ZP3: variants seen among roughly 807,000 people sequenced by gnomAD.
The protein encoded by ZP3 is zona pellucida sperm-binding protein 3.
Under a neutral mutation model 35.6 loss-of-function variants are expected in ZP3, and 21 were observed. That is an observed-to-expected ratio of 0.59 (90% CI 0.42 to 0.85). The LOEUF (loss-of-function observed/expected upper bound fraction) is 0.85. ZP3 is among the 40% of genes least tolerant of loss of function. ZP3 has a pLI of 0.00. For missense variants in ZP3, 437 were observed against 536.5 expected, an observed-to-expected ratio of 0.81 and a Z score of 1.83; for synonymous variants, 207 against 214.5, an observed-to-expected ratio of 0.96 and a Z score of 0.31.
chr7:76,413,339 C>T (rs995166335), intron 1 of ZP3, among the ~76,000 whole-genome samples: 1 of 151,352 alleles, frequency 6.6e-6, no homozygotes, highest in African/African-American at 2.4e-5. Flanking sequence ...ACTGCAGCCT[C>T]AACCTCTTGG....
At chr7:76,417,936 C>CT (rs199588361) in intron 1 of ZP3, among the ~76,000 whole-genome samples, 1,690 of 137,590 alleles carry the variant, frequency 0.012, 46 homozygotes, top group African/African-American at 0.046. Flanking sequence ...TTCTTTCTTT[C>CT]TTTCTTTTTT....
At chr7:76,431,700 C>T (rs920163568) in intron 2 of ZP3, among the ~76,000 whole-genome samples, 1 of 152,090 alleles carries the variant, frequency 6.6e-6, no homozygotes, top group Non-Finnish European at 1.5e-5. Context: ...GAGATGGAGA[C>T]CATCCTGGCT....
intron 1 of ZP3, among the ~76,000 whole-genome samples, chr7:76,398,537 T>G (rs1329719375): frequency 6.6e-6 from 1 of 151,544 alleles, no homozygotes; most frequent in Non-Finnish European, 1.5e-5. Flanking sequence ...GCTCCCAACC[T>G]CAAGTGATCC....
At chr7:76,439,210 C>T (rs1806120333) in intron 5 of ZP3, among the ~76,000 whole-genome samples, 1 of 149,042 alleles carries the variant, frequency 6.7e-6, no homozygotes, top group African/African-American at 2.4e-5. Context: ...TCTTTATGTG[C>T]CCAAGGACCT....
intron 5 of ZP3, among the ~76,000 whole-genome samples, chr7:76,438,312 C>A (rs1806086187): frequency 6.6e-6 from 1 of 152,086 alleles, no homozygotes; most frequent in South Asian, 2.1e-4. Context: ...AATCCCAGCA[C>A]TTTGTGAGGC....
intron 1 of ZP3, among the ~76,000 whole-genome samples, chr7:76,407,447 C>T (rs1475302671): frequency 6.6e-6 from 1 of 151,942 alleles, no homozygotes; most frequent in Non-Finnish European, 1.5e-5. Context: ...TTCTCCTGCC[C>T]CAGCCTCCTG....
At chr7:76,398,632 T>A (rs1036931705) in intron 1 of ZP3, 2 of 1,407,924 alleles carry the variant, frequency 1.4e-6, no homozygotes, top group African/African-American at 2.9e-5. Context: ...ATCTTCAATT[T>A]GTAATCCCTG....
rs960429346 is a variant in ZP3, at chr7:76,433,964, G to T, written c.714-74G>T. On this transcript the variant is annotated intron_variant, in intron 4 of 7. Coordinates refer to ENST00000394857, the MANE Select transcript of ZP3 (RefSeq NM_001110354.2). ...TCCACCCACCTTGGCCTCCCAAAGTGCTGGGATTATGGGCGTGAGCCACGG... is the reference window on the plus strand; with the variant it reads ...TCCACCCACCTTGGCCTCCCAAAGTTCTGGGATTATGGGCGTGAGCCACGG... 4.6e-5 allele frequency: 53 copies of T among 1,153,848 alleles called. 4 individuals carry two copies. Among genetic ancestry groups the T allele is most frequent in the Non-Finnish European group, 6.0e-5 (49 of 812,016 alleles). 71.5% of individuals were successfully genotyped at this position (1,153,848 alleles called of 1,614,324 possible). A position where few individuals can be genotyped will look rare whatever the true frequency, so the allele number is the denominator to read the frequency against.
chr7:76,400,345 C>G, intron 1 of ZP3: 1 of 1,531,986 alleles, frequency 6.5e-7, no homozygotes, highest in South Asian at 1.2e-5. Context: ...CCAGCCGCGG[C>G]TGCCGCACTC....
intron 1 of ZP3, among the ~76,000 whole-genome samples, chr7:76,408,039 T>G (rs1469134543): frequency 1.2e-4 from 18 of 152,084 alleles, no homozygotes; most frequent in Non-Finnish European, 2.6e-4. Context: ...GTCAGGGAGC[T>G]AGGAGCATCC....
chr7:76,405,249 G>A (rs1421890690), intron 1 of ZP3, among the ~76,000 whole-genome samples: 26 of 97,614 alleles, frequency 2.7e-4, no homozygotes, highest in African/African-American at 7.6e-4. Context: ...GATTACAGGC[G>A]TGCATCACCA....
chr7:76,400,946 G>A (rs1279211183), intron 1 of ZP3: 3 of 1,548,506 alleles, frequency 1.9e-6, no homozygotes, highest in African/African-American at 2.7e-5. Flanking sequence ...GTGGTTCCCT[G>A]TCTGAGGCTG....
At chr7:76,436,541 C>T (rs1428797144) in intron 5 of ZP3, among the ~76,000 whole-genome samples, 2 of 152,234 alleles carry the variant, frequency 1.3e-5, no homozygotes, top group Admixed American at 6.5e-5. Context: ...GATGCCACTT[C>T]ACCTCCTCCA....
intron 1 of ZP3, chr7:76,397,869 C>G: frequency 6.7e-7 from 1 of 1,485,564 alleles, no homozygotes; most frequent in Non-Finnish European, 9.0e-7. Flanking sequence ...GCATCTCCCA[C>G]TGGCCTCTGC....
At chr7:76,403,290 C>T (rs1032189929) in intron 1 of ZP3, among the ~76,000 whole-genome samples, 2 of 152,012 alleles carry the variant, frequency 1.3e-5, no homozygotes, top group African/African-American at 4.8e-5. Context: ...TATAACCACC[C>T]CCTGCAGCCT....
At chr7:76,417,259 G>A (rs532177522) in intron 1 of ZP3, among the ~76,000 whole-genome samples, 13 of 151,926 alleles carry the variant, frequency 8.6e-5, no homozygotes, top group Non-Finnish European at 5.9e-5. Context: ...GGGTTTCTCC[G>A]TGTTGGTCAG....
chr7:76,407,212 C>T (rs1366380325), intron 1 of ZP3, among the ~76,000 whole-genome samples: 1 of 152,204 alleles, frequency 6.6e-6, no homozygotes, highest in African/African-American at 2.4e-5. Flanking sequence ...ACACCCGCCT[C>T]GGTCTCCCAA....
intron 1 of ZP3, among the ~76,000 whole-genome samples, chr7:76,410,488 G>A (rs2115834740): frequency 6.6e-6 from 1 of 151,272 alleles, no homozygotes; most frequent in East Asian, 2.0e-4. Flanking sequence ...AAAGTGTTGG[G>A]ATTACAGGCA....
chr7:76,403,347 C>CTTTTT (rs766899317), intron 1 of ZP3, among the ~76,000 whole-genome samples: 1 of 149,530 alleles, frequency 6.7e-6, no homozygotes, highest in African/African-American at 2.4e-5. Context: ...GACTCCACTT[C>CTTTTT]TTTTTTTTGA....
Sources: allele counts gnomAD v4.1 joint callset (sites outside exome capture counted in the v4.1 genomes callset), GRCh38; gene constraint gnomAD v4.1.1; transcripts MANE v1.5; gene names NCBI Gene and HGNC (gene_info 2026-07-23, HGNC 2026-07-21).